The following RADX variants were observed in gnomAD, a reference collection of about 807,000 sequenced individuals.
RADX encodes RPA1 related single stranded DNA binding protein, X-linked, also known as RPA-related protein RADX.
A neutral mutation model predicts 61.6 loss-of-function variants in RADX; 36 were observed. The observed-to-expected ratio is 0.58, with a 90% CI of 0.45 to 0.77. The LOEUF (loss-of-function observed/expected upper bound fraction) is 0.77. Ranked by LOEUF, RADX falls within the 30% of genes least tolerant of loss-of-function variation. The pLI is 0.00. For synonymous variants in RADX, 272 were observed against 237.9 expected (o/e 1.14, Z -1.32); for missense variants, 497 against 651.1 (o/e 0.76, Z 2.58).
chrX:106,638,101 C>CTA, intron 8 of RADX, 177 bp downstream of exon 8: 1 of 405,455 alleles, frequency 2.5e-6, no homozygotes, highest in Admixed American at 4.5e-5. Flanking sequence ...CACGTATTTT[C>CTA]TATATAGTTT....
At chrX:106,661,985 AT>A in intron 11 of RADX, 29 bp from the exon 12 acceptor site, 1 of 1,181,877 alleles carries the variant, frequency 8.5e-7, no homozygotes, top group Non-Finnish European at 1.1e-6. Context: ...TTATAGATCA[AT>A]TGTGTCTATC....
intron 13 of RADX, among the ~76,000 whole-genome samples, chrX:106,677,524 C>T (rs1415620068): frequency 9.6e-6 from 1 of 103,648 alleles, no homozygotes; most frequent in African/African-American, 3.6e-5. Flanking sequence ...TTCTGAGAAG[C>T]GAATTGTCTT....
Position 106,611,999 on chromosome X carries a change from A to C in RADX, c.-82A>C. 4.9e-6 allele frequency: 5 copies of C among 1,025,938 alleles called. No homozygotes were observed. The highest frequency in any genetic ancestry group is 6.6e-6 in the Non-Finnish European group (5 of 754,922). The allele number at this position is 1,025,938 out of a possible 1,213,427, so 84.5% of individuals were successfully genotyped here. On this transcript the variant is annotated 5_prime_UTR_variant, in exon 1 of 14. Transcript: ENST00000372548. Reference sequence around the variant, plus strand: ...CAGGGGCAGAGTAGCGATCGTCGCCAAAGCGCGCGGTTTTATTTCTCTCCG... The same window carrying C: ...CAGGGGCAGAGTAGCGATCGTCGCCCAAGCGCGCGGTTTTATTTCTCTCCG...
At chrX:106,630,841 A>G (rs1220210242) in intron 3 of RADX, among the ~76,000 whole-genome samples, 1 of 111,490 alleles carries the variant, frequency 9.0e-6, no homozygotes, top group Non-Finnish European at 1.9e-5. Context: ...AATAATCTGT[A>G]CAACAAACCC....
intron 11 of RADX, among the ~76,000 whole-genome samples, chrX:106,654,148 C>A (rs1420667833): frequency 9.0e-6 from 1 of 111,537 alleles, no homozygotes; most frequent in African/African-American, 3.3e-5. Context: ...TTTACACTCC[C>A]ACCAACAGTG....
chrX:106,636,079 A>T (rs181307991), intron 6 of RADX, among the ~76,000 whole-genome samples: 3 of 112,084 alleles, frequency 2.7e-5, no homozygotes, highest in Middle Eastern at 4.7e-3. Flanking sequence ...AAGGAGTTAG[A>T]GTAATTCAGA....
chrX:106,636,461 G>A, intron 6 of RADX, 82 bp from the exon 7 acceptor site: 1 of 537,600 alleles, frequency 1.9e-6, no homozygotes, highest in Non-Finnish European at 3.1e-6. Flanking sequence ...ATTAAAGTTT[G>A]AGAAGCATTG....
intron 13 of RADX, among the ~76,000 whole-genome samples, chrX:106,677,678 G>A (rs776997038): frequency 9.0e-6 from 1 of 110,679 alleles, no homozygotes; most frequent in Non-Finnish European, 1.9e-5. Flanking sequence ...TATTTATGCG[G>A]TAAAATATAT....
intron 13 of RADX, among the ~76,000 whole-genome samples, chrX:106,674,266 A>G (rs1221566730): frequency 9.0e-6 from 1 of 111,003 alleles, no homozygotes; most frequent in Non-Finnish European, 1.9e-5. Context: ...TCTGCCTCCA[A>G]TCCCTCAACT....
chrX:106,664,288 G>A (rs1928175409), intron 12 of RADX, among the ~76,000 whole-genome samples: 1 of 108,605 alleles, frequency 9.2e-6, no homozygotes, highest in Admixed American at 9.9e-5. Flanking sequence ...ACAAACCTTG[G>A]ATATCTTCTA....
intron 3 of RADX, among the ~76,000 whole-genome samples, chrX:106,629,891 A>G (rs1263123439): frequency 8.9e-6 from 1 of 112,310 alleles, no homozygotes; most frequent in African/African-American, 3.2e-5. Flanking sequence ...GGTTTTACAT[A>G]TAAAAATCTG....
At position 106,633,230 on chromosome X, in the gene RADX, A is replaced by T. The variant is rs1239473371; in HGVS notation, c.1281A>T (p.Glu427Asp). 1 of 1,202,376 alleles carries T rather than the reference A, an allele frequency of 8.3e-7. No individual in the cohort carries two copies. The highest frequency in any genetic ancestry group is 1.1e-6 in the Non-Finnish European group (1 of 888,884). ...IVELFSTSQPEIFENIYPMAY... is the reference protein window; with the variant it reads ...IVELFSTSQPDIFENIYPMAY... ...AACTGTTTTCAACATCGCAGCCAGAAATCTTTGAAAATATTTACCCAAGTA... is the reference window on the plus strand; with the variant it reads ...AACTGTTTTCAACATCGCAGCCAGATATCTTTGAAAATATTTACCCAAGTA... The change falls in exon 6 of 14, where the codon GAA (glutamate) becomes GAT (aspartate). Residue 427 changes from glutamate (E) to aspartate (D), a missense_variant. Transcript: ENST00000372548.
At chrX:106,674,797 G>A (rs918917979) in intron 13 of RADX, among the ~76,000 whole-genome samples, 9 of 111,460 alleles carry the variant, frequency 8.1e-5, no homozygotes, top group Admixed American at 2.8e-4. Flanking sequence ...AGGCCAAGGC[G>A]GGCGGATCAC....
chrX:106,676,883 A>G (rs1456691669), intron 13 of RADX, among the ~76,000 whole-genome samples: 1 of 111,262 alleles, frequency 9.0e-6, no homozygotes, highest in African/African-American at 3.3e-5. Context: ...TGCCCTGGGT[A>G]TGCATGTGGC....
chrX:106,667,617 A>G (rs1170181488), intron 12 of RADX, among the ~76,000 whole-genome samples: 1 of 111,373 alleles, frequency 9.0e-6, no homozygotes, highest in East Asian at 2.8e-4. Context: ...GAGCCACCAC[A>G]CCCGACCAGA....
intron 1 of RADX, among the ~76,000 whole-genome samples, chrX:106,615,528 T>C (rs1403192418): frequency 8.9e-6 from 1 of 111,912 alleles, no homozygotes; most frequent in Non-Finnish European, 1.9e-5. Flanking sequence ...CTTCCCATCT[T>C]CCAGTTTCAG....
intron 12 of RADX, among the ~76,000 whole-genome samples, chrX:106,668,156 C>A (rs1396828865): frequency 8.9e-6 from 1 of 111,831 alleles, no homozygotes; most frequent in Non-Finnish European, 1.9e-5. Flanking sequence ...CCATAAAAAG[C>A]AAAGAACTTG....
At chrX:106,614,732 A>C (rs1343321136) in intron 1 of RADX, among the ~76,000 whole-genome samples, 1 of 111,234 alleles carries the variant, frequency 9.0e-6, no homozygotes, top group African/African-American at 3.3e-5. Flanking sequence ...ATGGGTATTA[A>C]AATTTTGTCT....
chrX:106,614,618 A>G (rs1033270568), intron 1 of RADX, among the ~76,000 whole-genome samples: 3 of 111,958 alleles, frequency 2.7e-5, no homozygotes, highest in Non-Finnish European at 5.6e-5. Context: ...GTACTAATTT[A>G]CATTTACCAA....
Sources: allele counts gnomAD v4.1 joint callset (sites outside exome capture counted in the v4.1 genomes callset), GRCh38; gene constraint gnomAD v4.1.1; transcripts MANE v1.5; gene names NCBI Gene and HGNC (gene_info 2026-07-23, HGNC 2026-07-21).